Variants in MAGI2 observed in about 807,000 individuals in gnomAD.
MAGI2 encodes the protein membrane-associated guanylate kinase, WW and PDZ domain-containing protein 2.
A neutral mutation model predicts 133.3 loss-of-function variants in MAGI2; 35 were observed. The observed-to-expected ratio is 0.26, with a 90% confidence interval of 0.20 to 0.35. MAGI2 has a LOEUF of 0.35. Among genes scored for constraint, MAGI2 ranks in the 10% least tolerant of loss-of-function variants. MAGI2 has a pLI of 1.00. For missense variants in MAGI2, 1,636 were observed against 1,863.4 expected (o/e 0.88, Z 2.25); for synonymous variants, 729 against 710.6 (o/e 1.03, Z -0.41).
intron 3 of MAGI2, among the ~76,000 whole-genome samples, chr7:78,602,332 G>C (rs1231038564): frequency 6.6e-6 from 1 of 151,522 alleles, no homozygotes; most frequent in African/African-American, 2.4e-5. Context: ...GATAATTTTT[G>C]TATTTTTAGT....
At chr7:79,354,742 C>T (rs753778267) in intron 1 of MAGI2, among the ~76,000 whole-genome samples, 18 of 152,236 alleles carry the variant, frequency 1.2e-4, no homozygotes, top group African/African-American at 4.3e-4. Context: ...CTCGGTGTGC[C>T]TCACAATGGT....
At chr7:79,033,603 G>T (rs942806175) in intron 1 of MAGI2, among the ~76,000 whole-genome samples, 2 of 152,270 alleles carry the variant, frequency 1.3e-5, no homozygotes, top group East Asian at 3.9e-4. Flanking sequence ...ACATTGGCTT[G>T]TTATTAATTT....
At chr7:79,252,156 C>CAA (rs1208897198) in intron 1 of MAGI2, among the ~76,000 whole-genome samples, 1,931 of 102,310 alleles carry the variant, frequency 0.019, 42 homozygotes, top group Middle Eastern at 0.041. Flanking sequence ...GACCCTGTCT[C>CAA]AAAAAAAAAA....
At chr7:79,420,898 A>C (rs1347977657) in intron 1 of MAGI2, among the ~76,000 whole-genome samples, 1 of 151,914 alleles carries the variant, frequency 6.6e-6, no homozygotes, top group Non-Finnish European at 1.5e-5. Context: ...ATCTGTGAAA[A>C]CTCAATGCCA....
chr7:79,382,000 A>G (rs1187132881), intron 1 of MAGI2, among the ~76,000 whole-genome samples: 2 of 151,644 alleles, frequency 1.3e-5, no homozygotes, highest in African/African-American at 2.4e-5. Context: ...CCATGACAAC[A>G]TTGGTGCTGG....
intron 2 of MAGI2, among the ~76,000 whole-genome samples, chr7:78,747,736 C>T (rs946093699): frequency 6.6e-6 from 1 of 152,124 alleles, no homozygotes; most frequent in South Asian, 2.1e-4. Context: ...TCCGTGGTGA[C>T]TGAGTGAGGT....
intron 6 of MAGI2, among the ~76,000 whole-genome samples, chr7:78,392,674 G>A (rs978196098): frequency 6.6e-6 from 1 of 151,800 alleles, no homozygotes; most frequent in African/African-American, 2.4e-5. Flanking sequence ...TATTTATTTC[G>A]CTCCTGTTGC....
chr7:79,331,920 C>T (rs1340207693), intron 1 of MAGI2, among the ~76,000 whole-genome samples: 2 of 148,458 alleles, frequency 1.3e-5, no homozygotes, highest in East Asian at 3.9e-4. Context: ...ACAATGTGCA[C>T]ATGTACCCTA....
At chr7:78,027,536 G>A (rs1032920775) in intron 21 of MAGI2, among the ~76,000 whole-genome samples, 2 of 151,114 alleles carry the variant, frequency 1.3e-5, no homozygotes, top group Non-Finnish European at 2.9e-5. Flanking sequence ...GCTGAGGCAT[G>A]AGAATCGCTT....
At chr7:79,095,004 G>A (rs1817397222) in intron 1 of MAGI2, among the ~76,000 whole-genome samples, 1 of 152,140 alleles carries the variant, frequency 6.6e-6, no homozygotes, top group South Asian at 2.1e-4. Flanking sequence ...AGTCAGTCTG[G>A]CCTTAGAATC....
Position 78,990,483 on chromosome 7 carries a change from A to G in MAGI2, c.418+16607T>C, listed in dbSNP as rs569159433. ...CATTACAAGAACTGAGGATTTGCTCAAAAGGTCTTCTCAATCGGAATGTCC... is the reference window on the plus strand; with the variant it reads ...CATTACAAGAACTGAGGATTTGCTCGAAAGGTCTTCTCAATCGGAATGTCC... On this transcript the variant is annotated intron_variant, in intron 2 of 21. Coordinates refer to ENST00000354212, the MANE Select transcript of MAGI2 (RefSeq NM_012301.4). 3.0e-4 allele frequency among the ~76,000 whole-genome samples: 46 copies of G among 152,154 alleles called. No homozygotes were observed. In the South Asian group the frequency reaches 9.1e-3, roughly 30 times the overall value.
intron 1 of MAGI2, among the ~76,000 whole-genome samples, chr7:79,010,370 A>G (rs867791517): frequency 6.6e-6 from 1 of 152,126 alleles, no homozygotes; most frequent in African/African-American, 2.4e-5. Flanking sequence ...TAAACAACAG[A>G]CATTGGGCAA....
intron 1 of MAGI2, among the ~76,000 whole-genome samples, chr7:79,188,875 C>A (rs189217869): frequency 3.3e-5 from 5 of 151,888 alleles, no homozygotes; most frequent in African/African-American, 1.2e-4. Flanking sequence ...TTTCCATATG[C>A]GTGTATATTA....
rs1283579312 is a variant in MAGI2, at chr7:78,921,727, G to T, written c.418+85363C>A. On this transcript the variant is annotated intron_variant, in intron 2 of 21. Transcript: ENST00000354212. ...GCTCACTGCAACCTCCACTGCCTGG[G>T]TTCAAGCGATTCTCATGCCTCAGCC... 2.6e-5 allele frequency among the ~76,000 whole-genome samples: 4 copies of T among 151,996 alleles called. No individual in the cohort carries two copies. In the East Asian group the frequency reaches 5.8e-4, roughly 22 times the overall value.
At chr7:78,725,305 T>C (rs922891443) in intron 2 of MAGI2, among the ~76,000 whole-genome samples, 3 of 152,172 alleles carry the variant, frequency 2.0e-5, no homozygotes, top group Non-Finnish European at 4.4e-5. Flanking sequence ...TTCTGAGCAC[T>C]AAAAAAATTT....
chr7:79,189,761 T>A (rs564339154), intron 1 of MAGI2, among the ~76,000 whole-genome samples: 1 of 151,882 alleles, frequency 6.6e-6, no homozygotes, highest in Admixed American at 6.6e-5. Flanking sequence ...CTAAAAATCC[T>A]CTGTGCTCTG....
chr7:78,856,166 G>A (rs1304668199), intron 2 of MAGI2, among the ~76,000 whole-genome samples: 2 of 152,122 alleles, frequency 1.3e-5, no homozygotes, highest in African/African-American at 4.8e-5. Flanking sequence ...TTTGTCAGAT[G>A]GGTAGATTGA....
intron 2 of MAGI2, among the ~76,000 whole-genome samples, chr7:78,938,571 G>A (rs1024517090): frequency 1.3e-5 from 2 of 152,110 alleles, no homozygotes; most frequent in Middle Eastern, 3.4e-3. Context: ...GGCTGAGTGG[G>A]GAAGGAAAAT....
chr7:79,014,039 G>C (rs890127776), intron 1 of MAGI2, among the ~76,000 whole-genome samples: 3 of 151,968 alleles, frequency 2.0e-5, no homozygotes, highest in Non-Finnish European at 4.4e-5. Context: ...TGCATGTTTT[G>C]TATAAGAAAT....
Sources: allele counts gnomAD v4.1 joint callset (sites outside exome capture counted in the v4.1 genomes callset), GRCh38; gene constraint gnomAD v4.1.1; transcripts MANE v1.5; gene names NCBI Gene and HGNC (gene_info 2026-07-23, HGNC 2026-07-21).